Variants in ATP9B observed in about 807,000 individuals in gnomAD.
ATP9B encodes ATPase phospholipid transporting 9B, also known as probable phospholipid-transporting ATPase IIB.
ATP9B carries 110 observed loss-of-function variants against 146.1 expected under a neutral mutation model. The ratio of observed to expected loss-of-function variants is 0.75; its 90% CI spans 0.65 to 0.88. The LOEUF is 0.88. Among genes scored for constraint, ATP9B ranks in the 40% least tolerant of loss-of-function variants. The pLI is 0.00. For synonymous variants in ATP9B, 604 were observed against 569.7 expected, an observed-to-expected ratio of 1.06 and a Z score of -0.86; for missense variants, 1,499 against 1,496.4, an observed-to-expected ratio of 1.00 and a Z score of -0.03.
chr18:79,154,662 G>A, intron 7 of ATP9B, 107 bp downstream of exon 7: 3 of 652,580 alleles, frequency 4.6e-6, no homozygotes, highest in East Asian at 6.0e-5. Flanking sequence ...TTAGTATGCT[G>A]CAGCAATGAG....
At chr18:79,333,463 T>C (rs1345066909) in intron 17 of ATP9B, among the ~76,000 whole-genome samples, 1 of 152,278 alleles carries the variant, frequency 6.6e-6, no homozygotes, top group Non-Finnish European at 1.5e-5. Flanking sequence ...CAAGTGTAGC[T>C]AATTAACTTG....
chr18:79,073,032 G>A (rs541483394), intron 1 of ATP9B, among the ~76,000 whole-genome samples: 1 of 151,758 alleles, frequency 6.6e-6, no homozygotes, highest in South Asian at 2.1e-4. Context: ...TCCCAGACTG[G>A]GCGGCGGGGC....
At chr18:79,106,647 A>C (rs886248607) in intron 2 of ATP9B, among the ~76,000 whole-genome samples, 1 of 152,254 alleles carries the variant, frequency 6.6e-6, no homozygotes, top group Non-Finnish European at 1.5e-5. Flanking sequence ...TATTAGTAGC[A>C]CAGTGATACA....
chr18:79,096,084 TAG>T (rs1158488599), intron 1 of ATP9B, among the ~76,000 whole-genome samples: 1 of 152,194 alleles, frequency 6.6e-6, no homozygotes, highest in Admixed American at 6.5e-5. Context: ...TTGTGTAACA[TAG>T]AGTGTTTAGA....
At chr18:79,238,691 A>G (rs1194689982) in intron 11 of ATP9B, among the ~76,000 whole-genome samples, 1 of 151,792 alleles carries the variant, frequency 6.6e-6, no homozygotes, top group East Asian at 1.9e-4. Flanking sequence ...CCTGGATTTC[A>G]CGCTTCCTGT....
chr18:79,172,523 C>T, intron 7 of ATP9B, among the ~76,000 whole-genome samples: 1 of 116,390 alleles, frequency 8.6e-6, no homozygotes, highest in Non-Finnish European at 1.8e-5. Context: ...GTGCCCCGCC[C>T]TTGCGATCCG....
rs2094881604 is a variant in ATP9B at position 79,161,602 on chromosome 18, A to G, written c.778+7047A>G. Among the ~76,000 whole-genome samples, 10 of 152,252 alleles carry G rather than the reference A, an allele frequency of 6.6e-5. No individual in the cohort carries two copies. The South Asian group carries it at 2.1e-3, about 31-fold the overall frequency. ...GGTGGCTCACGCTTGTAATCCCAGCACTTTGGGAGGCCGAGATGGGTGGAT... is the reference window on the plus strand; with the variant it reads ...GGTGGCTCACGCTTGTAATCCCAGCGCTTTGGGAGGCCGAGATGGGTGGAT... On this transcript the variant is annotated intron_variant, in intron 7 of 29. Coordinates refer to ENST00000426216, the MANE Select transcript of ATP9B (RefSeq NM_198531.5).
At chr18:79,309,607 G>A (rs934802180) in intron 15 of ATP9B, among the ~76,000 whole-genome samples, 3 of 138,860 alleles carry the variant, frequency 2.2e-5, no homozygotes, top group East Asian at 2.2e-4. Context: ...AGAAGGTCAG[G>A]GGCTGAGGAG....
chr18:79,200,706 C>G (rs2095465744), intron 9 of ATP9B, among the ~76,000 whole-genome samples: 1 of 152,200 alleles, frequency 6.6e-6, no homozygotes. Context: ...GTGTTTATGT[C>G]AGAGCAGAGG....
intron 5 of ATP9B, among the ~76,000 whole-genome samples, chr18:79,135,059 G>GAA (rs2094432196): frequency 6.6e-6 from 1 of 152,076 alleles, no homozygotes; most frequent in Non-Finnish European, 1.5e-5. Flanking sequence ...CAGTTGTTTT[G>GAA]AAACCATGTT....
intron 11 of ATP9B, among the ~76,000 whole-genome samples, chr18:79,235,403 A>G (rs4627436): frequency 2.6e-5 from 4 of 152,152 alleles, no homozygotes; most frequent in African/African-American, 4.8e-5. Context: ...TGAATTTTAC[A>G]TAATAACAAT....
chr18:79,177,771 G>C (rs2095196760), intron 8 of ATP9B, among the ~76,000 whole-genome samples: 1 of 152,100 alleles, frequency 6.6e-6, no homozygotes, highest in Non-Finnish European at 1.5e-5. Flanking sequence ...TTAGCCTTCA[G>C]GTCAGAAGCT....
intron 10 of ATP9B, chr18:79,209,602 C>T (rs957935363): frequency 9.3e-6 from 9 of 965,216 alleles, no homozygotes; most frequent in Middle Eastern, 5.3e-4. Flanking sequence ...AATGAGGCAT[C>T]GTAACATGCC....
At chr18:79,297,833 G>A (rs1042534765) in intron 13 of ATP9B, among the ~76,000 whole-genome samples, 2 of 116,302 alleles carry the variant, frequency 1.7e-5, no homozygotes, top group African/African-American at 6.1e-5. Flanking sequence ...TAATTAGGAA[G>A]GAAACACTGC....
At position 79,137,699 on chromosome 18, in the gene ATP9B, C is replaced by T. The variant is rs192352049; in HGVS notation, c.668-6103C>T. Among the ~76,000 whole-genome samples, 221 of 152,360 alleles carry T rather than the reference C, an allele frequency of 1.5e-3. 3 individuals carry two copies. Among genetic ancestry groups the T allele is most frequent in the African/African-American group, 5.0e-3 (208 of 41,578 alleles). ...TCTGCCCTGGCCCTTCCTTCAGCCT[C>T]TGCATGCTCTTAGATGCCTGTTCGT... On this transcript the variant is annotated intron_variant, in intron 5 of 29. Transcript: ENST00000426216.
chr18:79,343,515 T>G (rs1187577184), intron 20 of ATP9B, among the ~76,000 whole-genome samples: 1 of 152,240 alleles, frequency 6.6e-6, no homozygotes, highest in Non-Finnish European at 1.5e-5. Context: ...TAGGTTTTTT[T>G]AAAAATCCCT....
At chr18:79,167,720 C>T (rs7232068) in intron 7 of ATP9B, among the ~76,000 whole-genome samples, 9,256 of 152,236 alleles carry the variant, frequency 0.061, 362 homozygotes, top group Non-Finnish European at 0.092. Flanking sequence ...ATCCGATTGG[C>T]TGTATGGTCA....
intron 2 of ATP9B, among the ~76,000 whole-genome samples, chr18:79,109,516 A>C (rs1382351595): frequency 6.6e-6 from 1 of 152,054 alleles, no homozygotes. Context: ...TATCATTAGA[A>C]TATCACAGGA....
At chr18:79,375,357 T>TTA in intron 28 of ATP9B, 37 bp from the exon 29 acceptor site, 1 of 1,574,358 alleles carries the variant, frequency 6.4e-7, no homozygotes, top group Non-Finnish European at 8.7e-7. Context: ...TCTCCTTTAA[T>TTA]CTGTCCTTTA....
Sources: allele counts gnomAD v4.1 joint callset (sites outside exome capture counted in the v4.1 genomes callset), GRCh38; gene constraint gnomAD v4.1.1; transcripts MANE v1.5; gene names NCBI Gene and HGNC (gene_info 2026-07-23, HGNC 2026-07-21).